The following LIN28B variants were observed in gnomAD, a reference collection of about 807,000 sequenced individuals.
LIN28B encodes lin-28 RNA binding posttranscriptional regulator B, also known as protein lin-28 homolog B.
Under a neutral mutation model 21.9 loss-of-function variants are expected in LIN28B, and 5 were observed. The observed-to-expected ratio is 0.23, with a 90% CI of 0.12 to 0.48. The LOEUF is 0.48. Among genes scored for constraint, LIN28B ranks in the 20% least tolerant of loss-of-function variants. The pLI, the probability that LIN28B is intolerant of heterozygous loss-of-function variation, is 0.98. For synonymous variants in LIN28B, 109 were observed against 111.3 expected, an observed-to-expected ratio of 0.98 and a Z score of 0.13; for missense variants, 245 against 310.5, an observed-to-expected ratio of 0.79 and a Z score of 1.58.
chr6:104,991,893 C>A (rs536753451), intron 2 of LIN28B, among the ~76,000 whole-genome samples: 1 of 152,000 alleles, frequency 6.6e-6, no homozygotes, highest in South Asian at 2.1e-4. Flanking sequence ...CGCCTGCAAT[C>A]GCAGGCACTC....
At chr6:104,940,519 C>G (rs1778069048) in intron 2 of LIN28B, 1 of 151,976 alleles carries the variant, frequency 6.6e-6, no homozygotes, top group African/African-American at 2.4e-5. Context: ...AAAGCTCCAC[C>G]GCGGCCGCGC....
At chr6:105,061,089 A>G (rs772757538) in intron 3 of LIN28B, among the ~76,000 whole-genome samples, 1 of 152,218 alleles carries the variant, frequency 6.6e-6, no homozygotes, top group Non-Finnish European at 1.5e-5. Context: ...AGGAATAGTC[A>G]GCAAATTCCC....
chr6:105,029,337 C>T (rs947219902), intron 3 of LIN28B, among the ~76,000 whole-genome samples: 1 of 152,034 alleles, frequency 6.6e-6, no homozygotes, highest in Non-Finnish European at 1.5e-5. Flanking sequence ...GAGAGGAGAA[C>T]GATTACTGGA....
chr6:105,058,373 G>A lies in LIN28B; in HGVS notation c.384-20041G>A, dbSNP rs144606129. 3.7e-3 allele frequency among the ~76,000 whole-genome samples: 565 copies of A among 152,222 alleles called. 5 individuals carry two copies. The highest frequency in any genetic ancestry group is 5.4e-3 in the Non-Finnish European group (368 of 68,016). ...TCTTTACATTCTGAGTATAGTTTTG[G>A]GCAGGGTTTCCAGCTTTCTGTGGGA... is the stretch of plus-strand genomic sequence containing the variant. On this transcript the variant is annotated intron_variant, in intron 3 of 3. Coordinates refer to ENST00000345080, the MANE Select transcript of LIN28B (RefSeq NM_001004317.4).
At chr6:105,040,895 T>TTTTA (rs1562102595) in intron 3 of LIN28B, among the ~76,000 whole-genome samples, 10 of 152,000 alleles carry the variant, frequency 6.6e-5, no homozygotes, top group African/African-American at 1.7e-4. Context: ...CAATTGGATT[T>TTTTA]TTTATTTATT....
intron 2 of LIN28B, among the ~76,000 whole-genome samples, chr6:105,002,993 T>G (rs1770747593): frequency 1.3e-5 from 2 of 152,210 alleles, no homozygotes; most frequent in Non-Finnish European, 2.9e-5. Flanking sequence ...GGCACTAACT[T>G]GTTGTAAGAC....
At chr6:105,003,480 C>A (rs1278386628) in intron 2 of LIN28B, among the ~76,000 whole-genome samples, 1 of 151,952 alleles carries the variant, frequency 6.6e-6, no homozygotes, top group African/African-American at 2.4e-5. Flanking sequence ...GATTAGATCT[C>A]TCTCTCTTTC....
intron 2 of LIN28B, among the ~76,000 whole-genome samples, chr6:104,978,956 G>T (rs1274834446): frequency 6.6e-6 from 1 of 152,150 alleles, no homozygotes; most frequent in Non-Finnish European, 1.5e-5. Context: ...GACATAAGTT[G>T]TCCGATTCAG....
At chr6:104,991,656 G>A (rs1390128935) in intron 2 of LIN28B, among the ~76,000 whole-genome samples, 2 of 152,178 alleles carry the variant, frequency 1.3e-5, no homozygotes, top group East Asian at 3.9e-4. Context: ...GGAGGCCAAG[G>A]CAGGCGGCTG....
chr6:105,028,122 T>C (rs1390933340), intron 3 of LIN28B, among the ~76,000 whole-genome samples: 2 of 152,296 alleles, frequency 1.3e-5, no homozygotes, highest in Non-Finnish European at 2.9e-5. Context: ...TTCCATGTCT[T>C]TTAGATAAAA....
At chr6:105,041,580 T>C (rs1771638190) in intron 3 of LIN28B, among the ~76,000 whole-genome samples, 1 of 152,220 alleles carries the variant, frequency 6.6e-6, no homozygotes, top group Admixed American at 6.5e-5. Context: ...TTCACTGTGC[T>C]GGCTACTCTG....
chr6:104,973,377 T>A (rs1770018547), intron 2 of LIN28B, among the ~76,000 whole-genome samples: 1 of 152,218 alleles, frequency 6.6e-6, no homozygotes, highest in African/African-American at 2.4e-5. Context: ...CAATTTTCAG[T>A]GTAAATTGAA....
chr6:104,940,475 G>A (rs1424798678), intron 2 of LIN28B: 1 of 153,994 alleles, frequency 6.5e-6, no homozygotes, highest in Middle Eastern at 5.9e-4. Flanking sequence ...GCCTGCGCGG[G>A]GACGCGCTTC....
At chr6:105,061,676 A>T (rs1207938080) in intron 3 of LIN28B, among the ~76,000 whole-genome samples, 1 of 152,154 alleles carries the variant, frequency 6.6e-6, no homozygotes, top group Non-Finnish European at 1.5e-5. Context: ...CAAATGAAGT[A>T]AGTGGAAATT....
intron 3 of LIN28B, among the ~76,000 whole-genome samples, chr6:105,049,532 G>T: frequency 6.6e-6 from 1 of 152,192 alleles, no homozygotes; most frequent in Admixed American, 6.5e-5. Flanking sequence ...TTGGTCCAGA[G>T]CTGAGTTCAA....
chr6:104,974,208 A>G (rs1326473598), intron 2 of LIN28B, among the ~76,000 whole-genome samples: 3 of 152,130 alleles, frequency 2.0e-5, no homozygotes, highest in Admixed American at 6.5e-5. Context: ...ATGCAGATTC[A>G]GGTTGGGTAC....
chr6:105,055,935 T>TG (rs1481750784), intron 3 of LIN28B, among the ~76,000 whole-genome samples: 1 of 148,338 alleles, frequency 6.7e-6, no homozygotes, highest in African/African-American at 2.5e-5. Context: ...TTTTTTTTTT[T>TG]TTTTTGGGTA....
chr6:105,070,592 C>CCACACACACACACACACA (rs752057191), intron 3 of LIN28B, among the ~76,000 whole-genome samples: 4,512 of 92,158 alleles, frequency 0.049, 379 homozygotes, highest in Non-Finnish European at 0.054. Flanking sequence ...ATCAATAAAA[C>CCACACACACACACACACA]CACACACACA....
chr6:104,942,174 A>G (rs1778103694), intron 2 of LIN28B, among the ~76,000 whole-genome samples: 1 of 152,148 alleles, frequency 6.6e-6, no homozygotes, highest in Non-Finnish European at 1.5e-5. Context: ...CTCCTATTCT[A>G]TTGTAGTTTT....
Sources: allele counts gnomAD v4.1 joint callset (sites outside exome capture counted in the v4.1 genomes callset), GRCh38; gene constraint gnomAD v4.1.1; transcripts MANE v1.5; gene names NCBI Gene and HGNC (gene_info 2026-07-23, HGNC 2026-07-21).